Variants in TMTC1 observed in about 807,000 individuals in gnomAD.
TMTC1 encodes the protein protein O-mannosyl-transferase TMTC1.
TMTC1 carries 73 observed loss-of-function variants against 104.8 expected under a neutral mutation model. The ratio of observed to expected loss-of-function variants is 0.70; its 90% confidence interval spans 0.58 to 0.85. The LOEUF (loss-of-function observed/expected upper bound fraction) is 0.85. TMTC1 is among the 40% of genes least tolerant of loss of function. The probability of loss-of-function intolerance (pLI) is 0.00; values close to 1 mark genes in which losing one functional copy is unlikely to be tolerated. For missense variants in TMTC1, 1,035 were observed against 1,096.1 expected, an observed-to-expected ratio of 0.94 and a Z score of 0.79; for synonymous variants, 434 against 428.7, an observed-to-expected ratio of 1.01 and a Z score of -0.15.
chr12:29,619,313 C>T (rs1252323334), intron 6 of TMTC1, among the ~76,000 whole-genome samples: 2 of 152,114 alleles, frequency 1.3e-5, no homozygotes, highest in Non-Finnish European at 2.9e-5. Flanking sequence ...AGGCCTAGAT[C>T]AAAAGCCAAG....
chr12:29,628,428 T>C (rs1938119293), intron 6 of TMTC1, among the ~76,000 whole-genome samples: 1 of 152,214 alleles, frequency 6.6e-6, no homozygotes, highest in African/African-American at 2.4e-5. Context: ...GCCATCTGAA[T>C]GGACCCCTCC....
chr12:29,644,932 C>T (rs1419362986), intron 5 of TMTC1, among the ~76,000 whole-genome samples: 4 of 152,106 alleles, frequency 2.6e-5, no homozygotes, highest in East Asian at 1.9e-4. Flanking sequence ...TTGTGACAAG[C>T]CTTCCATATC....
intron 5 of TMTC1, among the ~76,000 whole-genome samples, chr12:29,702,421 T>A (rs560010368): frequency 6.6e-6 from 1 of 152,302 alleles, no homozygotes; most frequent in Non-Finnish European, 1.5e-5. Context: ...CTTGAGGTGG[T>A]TGGACTTGGG....
At chr12:29,578,326 C>T (rs1361969187) in intron 8 of TMTC1, among the ~76,000 whole-genome samples, 1 of 151,942 alleles carries the variant, frequency 6.6e-6, no homozygotes, top group African/African-American at 2.4e-5. Context: ...TCACAATGAA[C>T]AGTTTGTGAA....
intron 9 of TMTC1, among the ~76,000 whole-genome samples, chr12:29,567,392 T>G (rs35307116): frequency 0.53 from 81,102 of 151,996 alleles, 24,718 homozygotes; most frequent in Non-Finnish European, 0.67. Context: ...GTGACTTAAA[T>G]TCGTTTTTTT....
rs1458245568 is a variant in TMTC1, at chr12:29,751,728, C to A, written c.876G>T (p.Leu292=). The A allele has an allele frequency of 1.2e-6, 2 of 1,613,970 alleles. No homozygotes were observed. The highest frequency in any genetic ancestry group is 2.7e-5 in the African/African-American group (2 of 74,896). The change falls in exon 5 of 18, where the codon CTG becomes CTT. Residue 292 remains leucine (L), a synonymous_variant. Transcript: ENST00000539277. ...ATCCACTGCTCTTGGGTTCTGGTGG[C>A]AGTGGAGAGTGGCAGCCACCCCAAG... is the stretch of plus-strand genomic sequence containing the variant. The part of the protein sequence containing the change: ...KGAWGGCHSP[L]PPEPKSSGFP...
chr12:29,670,635 G>A (rs1464617794), intron 5 of TMTC1, among the ~76,000 whole-genome samples: 1 of 152,102 alleles, frequency 6.6e-6, no homozygotes, highest in East Asian at 1.9e-4. Flanking sequence ...CATTTGAAAG[G>A]ACATGAATTC....
chr12:29,684,789 T>A (rs11050371), intron 5 of TMTC1, among the ~76,000 whole-genome samples: 1 of 152,018 alleles, frequency 6.6e-6, no homozygotes, highest in Non-Finnish European at 1.5e-5. Flanking sequence ...TCTCCCCCTC[T>A]CCGGCCACAC....
chr12:29,614,540 G>C (rs930151364), intron 6 of TMTC1, among the ~76,000 whole-genome samples: 18 of 152,198 alleles, frequency 1.2e-4, no homozygotes, highest in African/African-American at 4.3e-4. Context: ...TGGAAACAAA[G>C]GTCCCTATGT....
chr12:29,568,834 G>A (rs1945588844), intron 9 of TMTC1: 1 of 442,534 alleles, frequency 2.3e-6, no homozygotes, highest in African/African-American at 2.0e-5. Flanking sequence ...TTGTTGGGTG[G>A]TCTCTGGACT....
At chr12:29,772,425 G>T (rs192962530) in intron 1 of TMTC1, among the ~76,000 whole-genome samples, 1 of 152,146 alleles carries the variant, frequency 6.6e-6, no homozygotes, top group Non-Finnish European at 1.5e-5. Context: ...TATCACACAT[G>T]GGCAATAAGA....
intron 5 of TMTC1, among the ~76,000 whole-genome samples, chr12:29,675,607 CACACACACACACACACACACA>C (rs1463084354): frequency 1.1e-4 from 8 of 71,964 alleles, no homozygotes; most frequent in Admixed American, 9.8e-4. Flanking sequence ...CACACACACA[CACACACACACACACACACACA>C]CACCCTCCAT....
chr12:29,551,452 A>C (rs182075192), intron 10 of TMTC1, among the ~76,000 whole-genome samples: 1 of 152,306 alleles, frequency 6.6e-6, no homozygotes, highest in East Asian at 1.9e-4. Context: ...TATCAAATTC[A>C]TCTGCTATAT....
At chr12:29,536,546 TC>T (rs1944649815) in intron 10 of TMTC1, among the ~76,000 whole-genome samples, 1 of 152,230 alleles carries the variant, frequency 6.6e-6, no homozygotes, top group Non-Finnish European at 1.5e-5. Flanking sequence ...CTTCAGGTTA[TC>T]CACTTTTTTC....
chr12:29,681,660 C>T (rs1243951499), intron 5 of TMTC1, among the ~76,000 whole-genome samples: 2 of 146,544 alleles, frequency 1.4e-5, no homozygotes, highest in African/African-American at 5.0e-5. Context: ...GTTACAAGGC[C>T]CCTCCCCCTC....
At chr12:29,558,795 G>A (rs917490307) in intron 9 of TMTC1, among the ~76,000 whole-genome samples, 1 of 152,198 alleles carries the variant, frequency 6.6e-6, no homozygotes, top group Non-Finnish European at 1.5e-5. Context: ...GTTCCTGGGA[G>A]ACAAGTGCTT....
intron 8 of TMTC1, among the ~76,000 whole-genome samples, chr12:29,580,832 A>G (rs1945958981): frequency 6.6e-6 from 1 of 152,090 alleles, no homozygotes; most frequent in Non-Finnish European, 1.5e-5. Context: ...TGGGTTTAAC[A>G]CTATATTATA....
intron 10 of TMTC1, among the ~76,000 whole-genome samples, chr12:29,538,736 T>C (rs991538470): frequency 6.6e-6 from 1 of 152,174 alleles, no homozygotes; most frequent in Admixed American, 6.6e-5. Context: ...CAAAATTATA[T>C]ACCAAGAACC....
At position 29,506,520 on chromosome 12, in the gene TMTC1, C is replaced by T. The variant is rs1171235897; in HGVS notation, c.*326G>A. On this transcript the variant is annotated 3_prime_UTR_variant, in exon 18 of 18. Transcript: ENST00000539277. ...ATTTCTGGGACAAAAAATGTCTAAA[C>T]AGAATTAGATCTCCAGGTCTCAAAA... 4.6e-6 allele frequency: 1 copy of T among 216,442 alleles called. No individual in the cohort carries two copies. The highest frequency in any genetic ancestry group is 9.2e-6 in the Non-Finnish European group (1 of 108,906). The allele number at this position is 216,442 out of a possible 1,614,324, so 13.4% of individuals were successfully genotyped here.
Sources: allele counts gnomAD v4.1 joint callset (sites outside exome capture counted in the v4.1 genomes callset), GRCh38; gene constraint gnomAD v4.1.1; transcripts MANE v1.5; gene names NCBI Gene and HGNC (gene_info 2026-07-23, HGNC 2026-07-21).